The following PCDH11X variants were observed in gnomAD, a reference collection of about 807,000 sequenced individuals.
PCDH11X encodes the protein protocadherin-11 X-linked.
A neutral mutation model predicts 53.3 loss-of-function variants in PCDH11X; 18 were observed. The ratio of observed to expected loss-of-function variants is 0.34; its 90% confidence interval spans 0.23 to 0.50. The LOEUF is 0.50. Among genes scored for constraint, PCDH11X ranks in the 20% least tolerant of loss-of-function variants. PCDH11X has a pLI of 0.98. For synonymous variants in PCDH11X, 279 were observed against 393.3 expected, an observed-to-expected ratio of 0.71 and a Z score of 3.44; for missense variants, 570 against 1,032.4, an observed-to-expected ratio of 0.55 and a Z score of 6.14.
intron 6 of PCDH11X, among the ~76,000 whole-genome samples, chrX:92,096,095 A>G (rs1350161234): frequency 2.7e-5 from 3 of 112,180 alleles, no homozygotes; most frequent in Non-Finnish European, 3.8e-5. Flanking sequence ...AGTGGGCATC[A>G]AAGACAAGAT....
rs138036469 is a variant in PCDH11X at position 92,106,430 on chromosome X, G to C, written c.3034-94945G>C. Among the ~76,000 whole-genome samples, 364 of 111,775 alleles carry C rather than the reference G, an allele frequency of 3.3e-3. 2 individuals are homozygous for C. The highest frequency in any genetic ancestry group is 0.011 in the African/African-American group (339 of 30,746). ...TGTATGTTCTTGCCATCTTAGCAAA[G>C]TAATTATTGCAAATTTTTAAAATAT... is the stretch of plus-strand genomic sequence containing the variant. On this transcript the variant is annotated intron_variant, in intron 6 of 10. Transcript: ENST00000682573.
intron 8 of PCDH11X, among the ~76,000 whole-genome samples, chrX:92,324,387 CCACGT>C (rs1169846194): frequency 5.4e-5 from 6 of 111,102 alleles, no homozygotes; most frequent in Admixed American, 2.9e-4. Context: ...TCTCTTTCTT[CCACGT>C]CAATAGAGGG....
chrX:92,298,656 C>T (rs751175320), intron 8 of PCDH11X, among the ~76,000 whole-genome samples: 9 of 110,932 alleles, frequency 8.1e-5, no homozygotes, highest in African/African-American at 2.6e-4. Flanking sequence ...ATATTGGCCT[C>T]GTAGAATGAG....
Position 92,132,427 on chromosome X carries a change from G to A in PCDH11X, c.3034-68948G>A, listed in dbSNP as rs777391658. Among the ~76,000 whole-genome samples, 310 of 98,918 alleles carry A rather than the reference G, an allele frequency of 3.1e-3. 1 individual carries two copies. Among genetic ancestry groups the A allele is most frequent in the African/African-American group, 0.011 (295 of 27,342 alleles). The allele number at this position is 98,918 out of a possible 115,157, so 85.9% of individuals were successfully genotyped here. A position where few individuals can be genotyped will look rare whatever the true frequency, so the allele number is the denominator to read the frequency against. On this transcript the variant is annotated intron_variant, in intron 6 of 10. Transcript: ENST00000682573. Reference sequence around the variant, plus strand: ...GATCAAGACCATTCTGGCCAACATGGTGAAACCTCGTCTCTACTAAAAATA... The same window carrying A: ...GATCAAGACCATTCTGGCCAACATGATGAAACCTCGTCTCTACTAAAAATA...
At chrX:92,400,047 G>A (rs1325746639) in intron 9 of PCDH11X, among the ~76,000 whole-genome samples, 1 of 106,442 alleles carries the variant, frequency 9.4e-6, no homozygotes, top group African/African-American at 3.4e-5. Context: ...CACCGTGCCC[G>A]GCCTTTTTCT....
chrX:92,231,131 T>C (rs923646962), intron 7 of PCDH11X, among the ~76,000 whole-genome samples: 6 of 111,678 alleles, frequency 5.4e-5, no homozygotes, highest in South Asian at 7.5e-4. Context: ...CTATGTATCA[T>C]AGATAACTTC....
rs1348329146 is a variant in PCDH11X, at chrX:91,971,587, C to A, written c.3033+92314C>A. 2.7e-5 allele frequency among the ~76,000 whole-genome samples: 3 copies of A among 111,774 alleles called. No homozygotes were observed. In the Admixed American group the frequency reaches 2.9e-4, roughly 11 times the overall value. ...AACATAGCTTTTGGTTCTTAAAAAA[C>A]AGTCACCTTATCTTTAATGAGCAAT... On this transcript the variant is annotated intron_variant, in intron 6 of 10. Transcript: ENST00000682573.
At chrX:91,794,367 G>A (rs1935662394) in intron 1 of PCDH11X, among the ~76,000 whole-genome samples, 1 of 111,402 alleles carries the variant, frequency 9.0e-6, no homozygotes, top group Non-Finnish European at 1.9e-5. Flanking sequence ...GATTCCATGA[G>A]CTTTTCACCA....
chrX:91,805,768 G>C (rs1289799710), intron 1 of PCDH11X, among the ~76,000 whole-genome samples: 1 of 108,938 alleles, frequency 9.2e-6, no homozygotes, highest in Non-Finnish European at 1.9e-5. Flanking sequence ...AGAGGCTTCA[G>C]TGAGCCATGG....
At chrX:92,150,828 C>A (rs1055354090) in intron 6 of PCDH11X, among the ~76,000 whole-genome samples, 5 of 109,686 alleles carry the variant, frequency 4.6e-5, no homozygotes, top group Admixed American at 3.8e-4. Flanking sequence ...TTAAATTTCA[C>A]GTTCCAATTA....
rs1939751859 is a variant in PCDH11X, at chrX:91,878,810, C to A, written c.2570C>A (p.Pro857Gln). ...AAGCAGAATTCTGAATGGGCTACCCCAAACCCAGAAAACAGGCAGATGATA... is the reference window on the plus strand; with the variant it reads ...AAGCAGAATTCTGAATGGGCTACCCAAAACCCAGAAAACAGGCAGATGATA... ...KNKQNSEWAT[P>Q]NPENRQMIMM... is the part of the protein sequence containing the mutation. Residue 857 changes from proline (P) to glutamine (Q), a missense_variant, in exon 6 of 11, where the codon CCA becomes CAA. Transcript: ENST00000682573. 8.3e-7 allele frequency: 1 copy of A among 1,208,860 alleles called. No individual in the cohort carries two copies. The highest frequency in any genetic ancestry group is 1.1e-6 in the Non-Finnish European group (1 of 895,047).
intron 5 of PCDH11X, among the ~76,000 whole-genome samples, chrX:91,838,690 T>C (rs1412604788): frequency 9.2e-6 from 1 of 109,055 alleles, no homozygotes; most frequent in Admixed American, 1.0e-4. Flanking sequence ...CTTTTAAAAA[T>C]CCCTTTGTCC....
intron 6 of PCDH11X, among the ~76,000 whole-genome samples, chrX:92,029,331 C>T (rs1052006778): frequency 1.2e-4 from 13 of 111,499 alleles, no homozygotes; most frequent in African/African-American, 3.9e-4. Flanking sequence ...TGCTCGAATC[C>T]TTCTCCCATT....
At chrX:91,919,034 TAAGGAATACA>T (rs1941660481) in intron 6 of PCDH11X, among the ~76,000 whole-genome samples, 1 of 111,483 alleles carries the variant, frequency 9.0e-6, no homozygotes, top group Non-Finnish European at 1.9e-5. Context: ...ACTATAAAAT[TAAGGAATACA>T]AAGGAACACA....
intron 9 of PCDH11X, among the ~76,000 whole-genome samples, chrX:92,434,843 C>T (rs7885188): frequency 0.019 from 1,993 of 106,305 alleles, 38 homozygotes; most frequent in African/African-American, 0.05. Context: ...CAGAAAACAT[C>T]CAGAAAAGAA....
chrX:92,600,100 T>C (rs1224752955), intron 10 of PCDH11X, among the ~76,000 whole-genome samples: 2 of 106,624 alleles, frequency 1.9e-5, no homozygotes, highest in African/African-American at 7.1e-5. Flanking sequence ...TTGGAACTTA[T>C]GTTTAAAATG....
intron 6 of PCDH11X, among the ~76,000 whole-genome samples, chrX:91,990,103 A>G (rs1284990176): frequency 9.2e-6 from 1 of 108,966 alleles, no homozygotes. Flanking sequence ...AAACCCATCC[A>G]CTGAGTTTTT....
intron 9 of PCDH11X, among the ~76,000 whole-genome samples, chrX:92,440,293 A>G (rs151134425): frequency 0.027 from 2,964 of 109,350 alleles, 69 homozygotes; most frequent in African/African-American, 0.077. Context: ...TAGTTTTTCA[A>G]CTTTTGCCTC....
chrX:91,946,305 G>C (rs2147863829), intron 6 of PCDH11X, among the ~76,000 whole-genome samples: 1 of 106,227 alleles, frequency 9.4e-6, no homozygotes, highest in Non-Finnish European at 2.0e-5. Flanking sequence ...CTATTATCAG[G>C]GATATTATAA....
Sources: gnomAD v4.1 joint callset for allele counts (sites outside exome capture counted in the v4.1 genomes callset) on GRCh38, gnomAD v4.1.1 for gene constraint, MANE v1.5 for transcripts, NCBI Gene and HGNC (gene_info 2026-07-23, HGNC 2026-07-21) for gene names.